Variants in NFYC observed in about 807,000 individuals in gnomAD.
NFYC encodes the protein nuclear transcription factor Y subunit gamma, also known as CAAT box DNA-binding protein subunit C.
In NFYC, 25 loss-of-function variants were observed where a neutral mutation model predicts 53.1. The observed-to-expected ratio is 0.47, with a 90% CI of 0.34 to 0.66. The LOEUF is 0.66. Ranked by LOEUF, NFYC falls within the 30% of genes least tolerant of loss-of-function variation. The pLI is 0.01. For synonymous variants in NFYC, 145 were observed against 152.6 expected (o/e 0.95, Z 0.37); for missense variants, 260 against 422.7 (o/e 0.62, Z 3.38).
chr1:40,738,967 C>A lies in NFYC; in HGVS notation c.105+19C>A. 1.3e-6 allele frequency: 2 copies of A among 1,550,556 alleles called. No individual in the cohort carries two copies. Among genetic ancestry groups the A allele is most frequent in the African/African-American group, 1.4e-5 (1 of 73,964 alleles). The stretch of plus-strand genomic sequence containing the variant: ...AACAGTGGTGAGGAAGAATGAGAAA[C>A]TTTTATTAGAAACTTTTAAAGAGTA... On this transcript the variant is annotated intron_variant, in intron 2 of 9. Coordinates refer to ENST00000447388, the MANE Select transcript of NFYC (RefSeq NM_014223.5).
chr1:40,728,956 AC>A (rs1269855153), intron 1 of NFYC, among the ~76,000 whole-genome samples: 5 of 152,124 alleles, frequency 3.3e-5, no homozygotes, highest in Non-Finnish European at 7.4e-5. Context: ...TTTTTGGATG[AC>A]CAGGTATATT....
intron 5 of NFYC, among the ~76,000 whole-genome samples, chr1:40,753,712 TGG>T (rs748272320): frequency 2.0e-5 from 3 of 152,190 alleles, no homozygotes; most frequent in Non-Finnish European, 4.4e-5. Context: ...AATCACCTGT[TGG>T]GGTTTTAAAA....
chr1:40,760,672 A>G (rs1646494540), intron 6 of NFYC, among the ~76,000 whole-genome samples: 1 of 151,912 alleles, frequency 6.6e-6, no homozygotes, highest in Non-Finnish European at 1.5e-5. Flanking sequence ...GTAAGCTGAG[A>G]TCGTGCCACT....
At chr1:40,714,388 T>A (rs934697116) in intron 1 of NFYC, among the ~76,000 whole-genome samples, 4 of 152,242 alleles carry the variant, frequency 2.6e-5, no homozygotes, top group Admixed American at 1.3e-4. Context: ...TGAGTAGTAT[T>A]TGTTCTTTAT....
chr1:40,747,740 TC>T, intron 3 of NFYC, 135 bp downstream of exon 3: 1 of 664,382 alleles, frequency 1.5e-6, no homozygotes, highest in Non-Finnish European at 2.5e-6. Flanking sequence ...GTTATTTGGT[TC>T]CTGTGCAAAA....
intron 1 of NFYC, among the ~76,000 whole-genome samples, chr1:40,698,240 G>A (rs1643252708): frequency 6.6e-6 from 1 of 151,666 alleles, no homozygotes; most frequent in Non-Finnish European, 1.5e-5. Context: ...GCAGGCACCT[G>A]TAGTCCCAGC....
In NFYC at chr1:40,706,441, A is replaced by G. The variant is rs563003416; in HGVS notation, c.-9+14574A>G. ...TGATAGGGCAGACCACCTTGCTCCT[A>G]TTTCGGGTCCCTGCTGAATCTCTGC... On this transcript the variant is annotated intron_variant, in intron 1 of 9. Coordinates refer to ENST00000447388, the MANE Select transcript of NFYC (RefSeq NM_014223.5). Among the ~76,000 whole-genome samples, 4 of 152,224 alleles carry G rather than the reference A, an allele frequency of 2.6e-5. No homozygotes were observed. The East Asian group carries it at 7.7e-4, about 29-fold the overall frequency.
Position 40,771,183 on chromosome 1 carries a change from A to G in NFYC, c.*355A>G. 3.2e-6 allele frequency: 1 copy of G among 313,918 alleles called. No individual in the cohort carries two copies. Among genetic ancestry groups the G allele is most frequent in the Non-Finnish European group, 6.0e-6 (1 of 165,532 alleles). The allele number at this position is 313,918 out of a possible 1,614,324, so 19.4% of individuals were successfully genotyped here. A position where few individuals can be genotyped will look rare whatever the true frequency, so the allele number is the denominator to read the frequency against. On this transcript the variant is annotated 3_prime_UTR_variant, in exon 10 of 10. Transcript: ENST00000447388. Reference sequence around the variant, plus strand: ...TGTTTTTCTTTTTTTTTTGTTTGTTACTGCCACTTCTTTTTAGGAGCAAAT... The same window carrying G: ...TGTTTTTCTTTTTTTTTTGTTTGTTGCTGCCACTTCTTTTTAGGAGCAAAT...
chr1:40,760,592 G>A (rs1268251758), intron 6 of NFYC, among the ~76,000 whole-genome samples: 3 of 151,882 alleles, frequency 2.0e-5, no homozygotes, highest in East Asian at 1.9e-4. Flanking sequence ...GGTGGCGGGC[G>A]CCTATAGTCC....
chr1:40,704,081 GTTT>G (rs11296946), intron 1 of NFYC, among the ~76,000 whole-genome samples: 3 of 135,836 alleles, frequency 2.2e-5, no homozygotes, highest in East Asian at 2.0e-4. Flanking sequence ...TGATTTAAGT[GTTT>G]TTTTTTTTTT....
At chr1:40,747,496 GT>G in intron 2 of NFYC, 37 bp from the exon 3 acceptor site, 1 of 1,472,846 alleles carries the variant, frequency 6.8e-7, no homozygotes, top group Non-Finnish European at 9.5e-7. Flanking sequence ...ACTGTTGATT[GT>G]CCCCACCATT....
chr1:40,767,182 C>T (rs954110957), intron 8 of NFYC: 15 of 553,216 alleles, frequency 2.7e-5, no homozygotes, highest in Non-Finnish European at 4.3e-5. Context: ...ATATTGATGG[C>T]TATGAGTCAC....
chr1:40,753,088 A>G (rs1293190350), intron 4 of NFYC, 63 bp from the exon 5 acceptor site: 3 of 1,243,282 alleles, frequency 2.4e-6, no homozygotes, highest in Admixed American at 3.5e-5. Flanking sequence ...CTTGGAGGGT[A>G]TAAAGCCAAG....
At chr1:40,735,735 A>G (rs2148582445) in intron 1 of NFYC, 1 of 985,366 alleles carries the variant, frequency 1.0e-6, no homozygotes, top group Admixed American at 6.1e-5. Context: ...CTGTCCAGGG[A>G]CCCATGCAAT....
Position 40,758,348 on chromosome 1 carries a change from T to C in NFYC, c.561+54T>C, listed in dbSNP as rs747657370. The C allele has an allele frequency of 3.6e-4, 557 of 1,528,222 alleles. 1 individual carries two copies. The highest frequency in any genetic ancestry group is 3.6e-4 in the Non-Finnish European group (408 of 1,135,022). 94.7% of individuals were successfully genotyped at this position (1,528,222 alleles called of 1,614,324 possible). On this transcript the variant is annotated intron_variant, in intron 6 of 9. Coordinates refer to ENST00000447388, the MANE Select transcript of NFYC (RefSeq NM_014223.5). ...AGCAAGACAGTGCCCCTTAGGTTTTTGGATGGGCAGAGCTTGATGAGGGCA... is the reference window on the plus strand; with the variant it reads ...AGCAAGACAGTGCCCCTTAGGTTTTCGGATGGGCAGAGCTTGATGAGGGCA...
intron 1 of NFYC, among the ~76,000 whole-genome samples, chr1:40,720,726 G>C (rs1410401517): frequency 6.6e-6 from 1 of 152,092 alleles, no homozygotes; most frequent in Non-Finnish European, 1.5e-5. Flanking sequence ...AAATTAGCCA[G>C]GTATGGTGGC....
chr1:40,756,736 A>G (rs970576875), intron 5 of NFYC, among the ~76,000 whole-genome samples: 1 of 152,202 alleles, frequency 6.6e-6, no homozygotes, highest in Admixed American at 6.5e-5. Flanking sequence ...AGCAAGTTGG[A>G]TTCAGAGAAC....
At chr1:40,697,532 G>T (rs548823424) in intron 1 of NFYC, among the ~76,000 whole-genome samples, 2 of 152,212 alleles carry the variant, frequency 1.3e-5, no homozygotes, top group Non-Finnish European at 2.9e-5. Context: ...TAATGATTGC[G>T]ATGCGATGAA....
intron 6 of NFYC, chr1:40,758,583 A>G (rs1022554588): frequency 3.3e-6 from 1 of 306,230 alleles, no homozygotes; most frequent in Non-Finnish European, 6.0e-6. Flanking sequence ...AATGTCTGAA[A>G]TGCCTTATGA....
Sources: gnomAD v4.1 joint callset for allele counts (sites outside exome capture counted in the v4.1 genomes callset) on GRCh38, gnomAD v4.1.1 for gene constraint, MANE v1.5 for transcripts, NCBI Gene and HGNC (gene_info 2026-07-23, HGNC 2026-07-21) for gene names.